The following SLC23A2 variants were observed in gnomAD, a reference collection of about 807,000 sequenced individuals.
SLC23A2 encodes solute carrier family 23 member 2, also known as Na(+)/L-ascorbic acid transporter 2.
A neutral mutation model predicts 73.3 loss-of-function variants in SLC23A2; 36 were observed. That is an observed-to-expected ratio of 0.49 (90% CI 0.38 to 0.65). The LOEUF (loss-of-function observed/expected upper bound fraction) is 0.65. Among genes scored for constraint, SLC23A2 ranks in the 30% least tolerant of loss-of-function variants. The pLI, the probability that SLC23A2 is intolerant of heterozygous loss-of-function variation, is 0.00. For missense variants in SLC23A2, 507 were observed against 841.6 expected, an observed-to-expected ratio of 0.60 and a Z score of 4.92; for synonymous variants, 343 against 327.3, an observed-to-expected ratio of 1.05 and a Z score of -0.52.
intron 4 of SLC23A2, among the ~76,000 whole-genome samples, chr20:4,904,992 T>A (rs1931883692): frequency 6.6e-6 from 1 of 151,548 alleles, no homozygotes; most frequent in African/African-American, 2.4e-5. Context: ...CGTGCACCTG[T>A]AATCCCAGCT....
At chr20:4,955,589 G>A (rs2087274233) in intron 2 of SLC23A2, among the ~76,000 whole-genome samples, 1 of 151,906 alleles carries the variant, frequency 6.6e-6, no homozygotes, top group Non-Finnish European at 1.5e-5. Flanking sequence ...AGGGGCTCGA[G>A]ACCAGCCTGG....
intron 11 of SLC23A2, among the ~76,000 whole-genome samples, chr20:4,870,447 T>C (rs1930400606): frequency 6.6e-6 from 1 of 151,986 alleles, no homozygotes; most frequent in Non-Finnish European, 1.5e-5. Flanking sequence ...CGTGGGGGCA[T>C]GTGCCTGTAA....
intron 10 of SLC23A2, 72 bp downstream of exon 10, chr20:4,874,504 T>G: frequency 6.9e-7 from 1 of 1,453,986 alleles, no homozygotes; most frequent in South Asian, 1.3e-5. Context: ...CTTAAAACCC[T>G]CCCTTCACTT....
intron 2 of SLC23A2, among the ~76,000 whole-genome samples, chr20:4,938,334 CTTTTTTTTTT>C (rs752802054): frequency 4.0e-5 from 5 of 124,906 alleles, no homozygotes; most frequent in African/African-American, 9.6e-5. Context: ...CTCATTCCAT[CTTTTTTTTTT>C]TTTTTTTTTT....
intron 2 of SLC23A2, among the ~76,000 whole-genome samples, chr20:4,945,245 T>A (rs1177338750): frequency 6.6e-6 from 1 of 152,094 alleles, no homozygotes; most frequent in Non-Finnish European, 1.5e-5. Context: ...AAAAAAAAAA[T>A]AACAATCATC....
upstream of SLC23A2, among the ~76,000 whole-genome samples, chr20:5,003,686 G>A (rs2088159472): frequency 6.6e-6 from 1 of 151,672 alleles, no homozygotes; most frequent in Non-Finnish European, 1.5e-5. Flanking sequence ...CCCTCTCTAG[G>A]CATTTACCAT....
chr20:4,898,776 A>G (rs1931640783), intron 6 of SLC23A2, among the ~76,000 whole-genome samples: 1 of 152,222 alleles, frequency 6.6e-6, no homozygotes, highest in South Asian at 2.1e-4. Flanking sequence ...CCTGGCATCA[A>G]GGAGGAAGCA....
intron 3 of SLC23A2, among the ~76,000 whole-genome samples, chr20:4,927,542 C>A (rs1932715807): frequency 6.6e-6 from 1 of 152,186 alleles, no homozygotes. Flanking sequence ...CCCACACCCC[C>A]ACTGCCTGCA....
chr20:4,923,433 C>T (rs1208431877), intron 3 of SLC23A2, among the ~76,000 whole-genome samples: 2 of 152,136 alleles, frequency 1.3e-5, no homozygotes, highest in East Asian at 1.9e-4. Context: ...AAAGGGTGCT[C>T]ATCTTGGTTG....
At chr20:4,958,269 A>G (rs760414138) in intron 2 of SLC23A2, among the ~76,000 whole-genome samples, 9 of 152,220 alleles carry the variant, frequency 5.9e-5, no homozygotes, top group Non-Finnish European at 1.2e-4. Context: ...ATGCCTCTGT[A>G]AAATAAGATT....
intron 1 of SLC23A2, among the ~76,000 whole-genome samples, chr20:4,991,761 CACAA>C (rs1484035864): frequency 2.2e-5 from 3 of 136,524 alleles, no homozygotes; most frequent in Non-Finnish European, 4.8e-5. Flanking sequence ...CACACACACA[CACAA>C]AAGTAATCTA....
intron 2 of SLC23A2, among the ~76,000 whole-genome samples, chr20:4,961,635 A>G (rs1399683358): frequency 6.6e-6 from 1 of 152,188 alleles, no homozygotes; most frequent in Non-Finnish European, 1.5e-5. Flanking sequence ...CTTGATCTAA[A>G]GTATTTTTAT....
At chr20:5,010,127 A>AG (rs2088234862) in intron 1 of SLC23A2, 1 of 149,560 alleles carries the variant, frequency 6.7e-6, no homozygotes, top group Non-Finnish European at 1.5e-5. Flanking sequence ...GATATGAAAG[A>AG]GGGGATTTAT....
chr20:4,899,451 T>G lies in SLC23A2; in HGVS notation c.482+104A>C. ...CCACTAGGACATTCCCGTGCCTCCA[T>G]TCTGTCCTTGCCAACAGCCCTAGGC... On this transcript the variant is annotated intron_variant, in intron 6 of 16. Transcript: ENST00000338244. This position sits in a 1 kb window ranked among gnomAD's most constrained non-coding sequence, Gnocchi z 4.9. The G allele has an allele frequency of 7.4e-7, 1 of 1,354,866 alleles. No homozygotes were observed. The highest frequency in any genetic ancestry group is 1.0e-6 in the Non-Finnish European group (1 of 959,218). 83.9% of individuals were successfully genotyped at this position (1,354,866 alleles called of 1,614,324 possible).
chr20:4,857,238 C>T lies in SLC23A2; in HGVS notation c.1721-34G>A. 1 of 1,233,010 alleles carries T rather than the reference C, an allele frequency of 8.1e-7. No individual in the cohort carries two copies. The highest frequency in any genetic ancestry group is 2.6e-5 in the East Asian group (1 of 38,940). 76.4% of individuals were successfully genotyped at this position (1,233,010 alleles called of 1,614,324 possible). ...CATCCCAAGATAGAACAAAGGAATG[C>T]TTCGTTTAGCAGCTCTACTGAAAAT... On this transcript the variant is annotated intron_variant, in intron 16 of 16. Coordinates refer to ENST00000338244, the MANE Select transcript of SLC23A2 (RefSeq NM_005116.6). This position sits in a 1 kb window ranked among gnomAD's most constrained non-coding sequence, Gnocchi z 4.0.
chr20:4,993,215 T>TG (rs2087957590), intron 1 of SLC23A2, among the ~76,000 whole-genome samples: 1 of 147,016 alleles, frequency 6.8e-6, no homozygotes, highest in African/African-American at 2.5e-5. Flanking sequence ...ACCTGGGAGG[T>TG]GGAGCTTGCA....
intron 6 of SLC23A2, among the ~76,000 whole-genome samples, chr20:4,896,316 G>A (rs1284556873): frequency 6.6e-6 from 1 of 152,114 alleles, no homozygotes; most frequent in African/African-American, 2.4e-5. Context: ...CTGAGGCCGT[G>A]CGGAGCAGGA....
intron 2 of SLC23A2, among the ~76,000 whole-genome samples, chr20:4,940,826 G>A (rs149112733): frequency 6.6e-6 from 1 of 152,176 alleles, no homozygotes; most frequent in Non-Finnish European, 1.5e-5. Context: ...AGGGACTTGG[G>A]GGGGCGGTCA....
At chr20:4,878,149 A>C (rs1378718281) in intron 9 of SLC23A2, among the ~76,000 whole-genome samples, 1 of 152,228 alleles carries the variant, frequency 6.6e-6, no homozygotes, top group Non-Finnish European at 1.5e-5. Context: ...TTTACGAGTT[A>C]GGGATGTTAG....
Sources: allele counts gnomAD v4.1 joint callset (sites outside exome capture counted in the v4.1 genomes callset), GRCh38; gene constraint gnomAD v4.1.1; non-coding constraint Gnocchi (gnomAD v3.1); transcripts MANE v1.5; gene names NCBI Gene and HGNC (gene_info 2026-07-23, HGNC 2026-07-21).